The following ADAMDEC1 variants were observed in gnomAD, a reference collection of about 807,000 sequenced individuals.
The protein encoded by ADAMDEC1 is ADAM DEC1.
ADAMDEC1 carries 62 observed loss-of-function variants against 60.4 expected under a neutral mutation model. That is an observed-to-expected ratio of 1.03 (90% CI 0.84 to 1.27). ADAMDEC1 has a LOEUF of 1.27. Ranked by LOEUF, ADAMDEC1 falls within the 50% of genes most tolerant of loss-of-function variation. The pLI, the probability that ADAMDEC1 is intolerant of heterozygous loss-of-function variation, is 0.00. For missense variants in ADAMDEC1, 595 were observed against 565.0 expected (o/e 1.05, Z -0.54); for synonymous variants, 210 against 195.1 (o/e 1.08, Z -0.64).
intron 10 of ADAMDEC1, 45 bp from the exon 11 acceptor site, chr8:24,400,125 C>T: frequency 7.0e-7 from 1 of 1,437,878 alleles, no homozygotes; most frequent in South Asian, 1.5e-5. Flanking sequence ...ACATTGGCAA[C>T]AATTAAATAA....
chr8:24,387,224 C>G (rs985640421), intron 1 of ADAMDEC1: 1 of 152,178 alleles, frequency 6.6e-6, no homozygotes, highest in Non-Finnish European at 1.5e-5. Flanking sequence ...TTCCACTTGA[C>G]TAAGACAGGG....
Position 24,405,307 on chromosome 8 carries a change from G to T in ADAMDEC1, c.*9G>T. On this transcript the variant is annotated 3_prime_UTR_variant, in exon 14 of 14. Transcript: ENST00000256412. ...CTTCAATCAGAGAGTGAATCCAAAAGTCTGCTTCACTGAGATGCTACCTTG... is the reference window on the plus strand; with the variant it reads ...CTTCAATCAGAGAGTGAATCCAAAATTCTGCTTCACTGAGATGCTACCTTG... 1 of 1,612,512 alleles carries T rather than the reference G, an allele frequency of 6.2e-7. No homozygotes were observed. The highest frequency in any genetic ancestry group is 8.5e-7 in the Non-Finnish European group (1 of 1,179,210).
At position 24,398,931 on chromosome 8, in the gene ADAMDEC1, G is replaced by A. The variant is rs1254589259; in HGVS notation, c.820G>A (p.Gly274Arg). ...GGTAGGTATGGAAATCTGGTCTGAT[G>A]GGGATAAGATAAAGGTGGTGCCCAG... ...ALVGMEIWSD[G>R]DKIKVVPSAS... The change falls in exon 9 of 14, where the codon GGG becomes AGG. Residue 274 changes from glycine (G) to arginine (R), a missense_variant. Transcript: ENST00000256412. The A allele has an allele frequency of 1.2e-6, 2 of 1,613,716 alleles. No individual in the cohort carries two copies. The highest frequency in any genetic ancestry group is 1.1e-5 in the South Asian group (1 of 91,074).
chr8:24,392,304 T>C lies in ADAMDEC1; in HGVS notation c.131T>C (p.Ile44Thr). 2 of 1,611,334 alleles carry C rather than the reference T, an allele frequency of 1.2e-6. No individual in the cohort carries two copies. The highest frequency in any genetic ancestry group is 1.7e-6 in the Non-Finnish European group (2 of 1,178,684). The change falls in exon 2 of 14, where the codon ATA becomes ACA. Residue 44 changes from isoleucine to threonine, a missense_variant. Physicochemically the swap from Ile to Thr is moderately conservative, Grantham distance 89. Coordinates refer to ENST00000256412, the MANE Select transcript of ADAMDEC1 (RefSeq NM_014479.3). Reference protein sequence around the residue: ...KQTPELTLHEIVCPKKLHILH... With the variant: ...KQTPELTLHETVCPKKLHILH... Reference sequence around the variant, plus strand: ...ACACCTGAATTAACGCTCCATGAAATAGTTTGTCCTAAAAAACTTCACATT... The same window carrying C: ...ACACCTGAATTAACGCTCCATGAAACAGTTTGTCCTAAAAAACTTCACATT...
chr8:24,400,170 G>A lies in ADAMDEC1; in HGVS notation c.1012G>A (p.Ala338Thr), dbSNP rs746670007. 5 of 1,567,464 alleles carry A rather than the reference G, an allele frequency of 3.2e-6. No individual in the cohort carries two copies. The South Asian group carries it at 6.1e-5, about 19-fold the overall frequency. ...AAATAAATATATCTACTTTTTCCAG[G>A]CTAAAAAAAAGAATAATGTGGCTCT... Reference protein sequence around the residue: ...CSPSSVAVIEAKKKNNVALVG... With the variant: ...CSPSSVAVIETKKKNNVALVG... Residue 338 changes from alanine to threonine, a missense_variant and splice_region_variant, in exon 11 of 14, where the codon GCT (alanine) becomes ACT (threonine). Ala to Thr is a moderately conservative substitution (Grantham distance 58). Coordinates refer to ENST00000256412, the MANE Select transcript of ADAMDEC1 (RefSeq NM_014479.3).
intron 1 of ADAMDEC1, among the ~76,000 whole-genome samples, chr8:24,390,829 T>A (rs1031647695): frequency 6.6e-5 from 10 of 152,094 alleles, no homozygotes. Context: ...CTTGCGAAGG[T>A]TTTTGGCTAA....
chr8:24,390,031 G>A (rs1243158890), intron 1 of ADAMDEC1: 5 of 385,708 alleles, frequency 1.3e-5, no homozygotes, highest in African/African-American at 2.1e-5. Context: ...TGCTTCATAT[G>A]TATAAACATA....
Position 24,390,974 on chromosome 8 carries a change from CATT to C in ADAMDEC1, c.89-1283_89-1281del, listed in dbSNP as rs538266203. ...GATTAGTGCTAACGTTGGGACTAGACATTATTAAAATTCATTCTCATTCCAAGC... is the reference window on the plus strand; with the variant it reads ...GATTAGTGCTAACGTTGGGACTAGACATTAAAATTCATTCTCATTCCAAGC... On this transcript the variant is annotated intron_variant, in intron 1 of 13. Coordinates refer to ENST00000256412, the MANE Select transcript of ADAMDEC1 (RefSeq NM_014479.3). Among the ~76,000 whole-genome samples, 398 of 152,190 alleles carry C rather than the reference CATT, an allele frequency of 2.6e-3. 1 individual carries two copies. The highest frequency in any genetic ancestry group is 9.0e-3 in the African/African-American group (374 of 41,520).
Position 24,398,568 on chromosome 8 carries a change from G to A in ADAMDEC1, c.762+17G>A, listed in dbSNP as rs370682651. On this transcript the variant is annotated intron_variant, in intron 8 of 13. Coordinates refer to ENST00000256412, the MANE Select transcript of ADAMDEC1 (RefSeq NM_014479.3). ...CTCAATGTGGTAAGACATTAGTCAT[G>A]TAAACCTCATGTTTCTGCATAGGGA... 3 of 1,556,394 alleles carry A rather than the reference G, an allele frequency of 1.9e-6. No homozygotes were observed. The highest frequency in any genetic ancestry group is 2.6e-6 in the Non-Finnish European group (3 of 1,139,836).
In ADAMDEC1 at chr8:24,393,392, A is replaced by T. The variant is rs1055424332; in HGVS notation, c.284+54A>T. ...ACTGGATTAGGTTATGAAATTGGGG[A>T]GCAATCTTTTTGAGGCTCCATTTAG... On this transcript the variant is annotated intron_variant, in intron 3 of 13. Transcript: ENST00000256412. 21 of 1,301,356 alleles carry T rather than the reference A, an allele frequency of 1.6e-5. No homozygotes were observed. The East Asian group carries it at 4.5e-4, about 28-fold the overall frequency. 80.6% of individuals were successfully genotyped at this position (1,301,356 alleles called of 1,614,324 possible). A position where few individuals can be genotyped will look rare whatever the true frequency, so the allele number is the denominator to read the frequency against.
At chr8:24,390,790 TTTTTTTATTTG>T (rs1817425309) in intron 1 of ADAMDEC1, among the ~76,000 whole-genome samples, 1 of 152,174 alleles carries the variant, frequency 6.6e-6, no homozygotes, top group Non-Finnish European at 1.5e-5. Context: ...GGTTTTATTT[TTTTTTTATTTG>T]TTTTTTACTT....
chr8:24,401,348 G>A (rs908339916), intron 11 of ADAMDEC1, among the ~76,000 whole-genome samples: 1 of 152,124 alleles, frequency 6.6e-6, no homozygotes, highest in Non-Finnish European at 1.5e-5. Flanking sequence ...GTTGATGACA[G>A]GATCTTCTTA....
In ADAMDEC1 at chr8:24,384,817, A is replaced by C. The variant is rs370870405; in HGVS notation, c.88+225A>C. On this transcript the variant is annotated intron_variant, in intron 1 of 13. Coordinates refer to ENST00000256412, the MANE Select transcript of ADAMDEC1 (RefSeq NM_014479.3). ...AACCACTATATGAAACATGGATTCTAAAATTTGTCCTATTTCCTCCAATTG... is the reference window on the plus strand; with the variant it reads ...AACCACTATATGAAACATGGATTCTCAAATTTGTCCTATTTCCTCCAATTG... Among the ~76,000 whole-genome samples, 10 of 152,318 alleles carry C rather than the reference A, an allele frequency of 6.6e-5. No individual in the cohort carries two copies. The East Asian group carries it at 1.7e-3, about 26-fold the overall frequency.
chr8:24,384,660 T>C lies in ADAMDEC1; in HGVS notation c.88+68T>C, dbSNP rs1817248652. On this transcript the variant is annotated intron_variant, in intron 1 of 13. Coordinates refer to ENST00000256412, the MANE Select transcript of ADAMDEC1 (RefSeq NM_014479.3). ...TTTGATGAATGTTTAAAGTGCCTTTTGAAAAAAAATGGCATATGTTTTTAT... is the reference window on the plus strand; with the variant it reads ...TTTGATGAATGTTTAAAGTGCCTTTCGAAAAAAAATGGCATATGTTTTTAT... 2.2e-6 allele frequency: 3 copies of C among 1,381,032 alleles called. No homozygotes were observed. In the African/African-American group the frequency reaches 4.4e-5, roughly 20 times the overall value. 85.5% of individuals were successfully genotyped at this position (1,381,032 alleles called of 1,614,324 possible).
intron 10 of ADAMDEC1, 84 bp from the exon 11 acceptor site, chr8:24,400,086 C>T: frequency 8.7e-7 from 1 of 1,154,618 alleles, no homozygotes; most frequent in South Asian, 2.2e-5. Flanking sequence ...CACTAGTTTT[C>T]ATCTCTTAAG....
At chr8:24,400,072 A>G in intron 10 of ADAMDEC1, 98 bp from the exon 11 acceptor site, 1 of 993,968 alleles carries the variant, frequency 1.0e-6, no homozygotes, top group Non-Finnish European at 1.4e-6. Flanking sequence ...AGGAGCTAAC[A>G]ATTCACTAGT....
chr8:24,397,126 A>AT (rs1817634348), intron 5 of ADAMDEC1, 144 bp from the exon 6 acceptor site: 1 of 611,630 alleles, frequency 1.6e-6, no homozygotes. Flanking sequence ...TCTAACTTAC[A>AT]TTACCAGAAG....
chr8:24,398,525 T>C lies in ADAMDEC1; in HGVS notation c.736T>C (p.Phe246Leu). The C allele has an allele frequency of 6.2e-7, 1 of 1,602,754 alleles. No individual in the cohort carries two copies. Among genetic ancestry groups the C allele is most frequent in the Non-Finnish European group, 8.5e-7 (1 of 1,172,422 alleles). The change falls in exon 8 of 14, where the codon TTT becomes CTT. Residue 246 changes from phenylalanine (F) to leucine (L), a missense_variant. Coordinates refer to ENST00000256412, the MANE Select transcript of ADAMDEC1 (RefSeq NM_014479.3). ...TCTAACTCTGATAAGAAGCTTTGTG[T>C]TTGATGTGATGAACCTACTCAATGT... ...ENLTLIRSFVFDVMNLLNVIY... is the reference protein window; with the variant it reads ...ENLTLIRSFVLDVMNLLNVIY...
At chr8:24,390,677 GCCACTGTACTCC>G (rs1324781300) in intron 1 of ADAMDEC1, among the ~76,000 whole-genome samples, 1 of 151,994 alleles carries the variant, frequency 6.6e-6, no homozygotes, top group Non-Finnish European at 1.5e-5. Flanking sequence ...TCAAGATCGG[GCCACTGTACTCC>G]AGCCTGGGTG....
Sources: allele counts gnomAD v4.1 joint callset (sites outside exome capture counted in the v4.1 genomes callset), GRCh38; gene constraint gnomAD v4.1.1; transcripts MANE v1.5; gene names NCBI Gene and HGNC (gene_info 2026-07-23, HGNC 2026-07-21).